SCML4: variants seen among roughly 807,000 people sequenced by gnomAD.
The protein encoded by SCML4 is Scm polycomb group protein like 4, also known as sex comb on midleg-like protein 4.
Under a neutral mutation model 41.1 loss-of-function variants are expected in SCML4, and 34 were observed. The ratio of observed to expected loss-of-function variants is 0.83; its 90% CI spans 0.63 to 1.10. The LOEUF (loss-of-function observed/expected upper bound fraction) is 1.10, where lower values mean the gene tolerates loss of function less well. SCML4 is among the 50% of genes least tolerant of loss of function. The pLI, the probability that SCML4 is intolerant of heterozygous loss-of-function variation, is 0.00. For missense variants in SCML4, 522 were observed against 534.1 expected, an observed-to-expected ratio of 0.98 and a Z score of 0.22; for synonymous variants, 214 against 220.9, an observed-to-expected ratio of 0.97 and a Z score of 0.28.
intron 5 of SCML4, among the ~76,000 whole-genome samples, chr6:107,734,861 TTTG>T (rs538676426): frequency 6.6e-6 from 1 of 152,074 alleles, no homozygotes; most frequent in Non-Finnish European, 1.5e-5. Flanking sequence ...TTAGTTTCTT[TTTG>T]TTGTTGTTGT....
At chr6:107,739,419 C>G (rs538201438) in intron 5 of SCML4, among the ~76,000 whole-genome samples, 1 of 152,202 alleles carries the variant, frequency 6.6e-6, no homozygotes, top group Non-Finnish European at 1.5e-5. Context: ...AGTTCCTTAG[C>G]TGTCATGGCT....
At chr6:107,791,067 C>G (rs1293074) in intron 1 of SCML4, among the ~76,000 whole-genome samples, 1 of 95,004 alleles carries the variant, frequency 1.1e-5, no homozygotes, top group Non-Finnish European at 2.3e-5. Context: ...AAGACTCCGT[C>G]TAAAAAAAAA....
chr6:107,844,106 A>G, the SCML4 span, among the ~76,000 whole-genome samples: 1 of 152,236 alleles, frequency 6.6e-6, no homozygotes, highest in African/African-American at 2.4e-5. Context: ...GAAAAGCTAG[A>G]TGCTAGACAG....
At chr6:107,805,253 A>G (rs1414291089) in intron 1 of SCML4, among the ~76,000 whole-genome samples, 1 of 152,146 alleles carries the variant, frequency 6.6e-6, no homozygotes, top group Non-Finnish European at 1.5e-5. Flanking sequence ...TTGGCCCTTT[A>G]TAGAAAATGT....
At chr6:107,785,347 T>G (rs1468793622) in intron 1 of SCML4, among the ~76,000 whole-genome samples, 1 of 152,170 alleles carries the variant, frequency 6.6e-6, no homozygotes, top group East Asian at 1.9e-4. Flanking sequence ...GCGATCCGAG[T>G]GCTGTTGCGC....
chr6:107,778,401 A>G (rs1781207412), intron 1 of SCML4, among the ~76,000 whole-genome samples: 1 of 151,402 alleles, frequency 6.6e-6, no homozygotes, highest in Admixed American at 6.6e-5. Flanking sequence ...ACAGTGCTTT[A>G]GTAGTCATTA....
chr6:107,764,164 C>T (rs1779849989), intron 2 of SCML4, among the ~76,000 whole-genome samples: 1 of 152,184 alleles, frequency 6.6e-6, no homozygotes, highest in African/African-American at 2.4e-5. Flanking sequence ...AAGCTTGTGG[C>T]CAGTGATCTA....
In SCML4 at chr6:107,774,895, C is replaced by T. The variant is rs530168338; in HGVS notation, c.-59-2509G>A. Among the ~76,000 whole-genome samples, 13 of 151,640 alleles carry T rather than the reference C, an allele frequency of 8.6e-5. No homozygotes were observed. In the South Asian group the frequency reaches 1.5e-3, roughly 17 times the overall value. ...AAAATTAGCTGGGCATGGTGGCAGGCGCCTATAATTCCAACTACTAGGGAG... is the reference window on the plus strand; with the variant it reads ...AAAATTAGCTGGGCATGGTGGCAGGTGCCTATAATTCCAACTACTAGGGAG... On this transcript the variant is annotated intron_variant, in intron 1 of 7. Coordinates refer to ENST00000369020, the MANE Select transcript of SCML4 (RefSeq NM_198081.5).
At position 107,745,011 on chromosome 6, in the gene SCML4, A is replaced by G; in HGVS notation, c.620T>C (p.Phe207Ser). ...LCDDLFSHQP[F>S]PRGCSASEKV... ...CTCAGAGGCACTGCAGCCCCTGGGGAAGGGCTGGTGGCTGAAGAGGTCATC... is the reference window on the plus strand; with the variant it reads ...CTCAGAGGCACTGCAGCCCCTGGGGGAGGGCTGGTGGCTGAAGAGGTCATC... Residue 207 changes from phenylalanine (F) to serine (S), a missense_variant, in exon 5 of 8, where the codon TTC becomes TCC. Phe to Ser is a radical substitution (Grantham distance 155). Coordinates refer to ENST00000369020, the MANE Select transcript of SCML4 (RefSeq NM_198081.5). 1 of 1,613,788 alleles carries G rather than the reference A, an allele frequency of 6.2e-7. No homozygotes were observed. Among genetic ancestry groups the G allele is most frequent in the Non-Finnish European group, 8.5e-7 (1 of 1,179,852 alleles).
At chr6:107,765,512 T>A (rs558300825) in intron 2 of SCML4, among the ~76,000 whole-genome samples, 27 of 152,200 alleles carry the variant, frequency 1.8e-4, no homozygotes, top group African/African-American at 6.0e-4. Context: ...GTCAAAAAAA[T>A]TTTAAAAATA....
chr6:107,711,814 C>T (rs546036861), intron 6 of SCML4, among the ~76,000 whole-genome samples: 2 of 152,298 alleles, frequency 1.3e-5, no homozygotes, highest in Admixed American at 6.5e-5. Flanking sequence ...TTCTTTAGAT[C>T]TCGGGGCACA....
chr6:107,776,918 A>T (rs1338143754), intron 1 of SCML4, among the ~76,000 whole-genome samples: 1 of 152,238 alleles, frequency 6.6e-6, no homozygotes, highest in East Asian at 1.9e-4. Flanking sequence ...GCATATGTGA[A>T]GATTGCAAAA....
intron 7 of SCML4, among the ~76,000 whole-genome samples, chr6:107,706,591 G>A (rs1401892044): frequency 1.3e-5 from 2 of 152,206 alleles, no homozygotes; most frequent in African/African-American, 4.8e-5. Context: ...ACCTGTGAAT[G>A]TCAAGTTACA....
intron 1 of SCML4, among the ~76,000 whole-genome samples, chr6:107,789,803 C>G (rs1782184947): frequency 6.6e-6 from 1 of 152,212 alleles, no homozygotes; most frequent in African/African-American, 2.4e-5. Flanking sequence ...GCTGTGGGCA[C>G]TGATCCTGAC....
At chr6:107,779,872 C>T (rs1008623371) in intron 1 of SCML4, among the ~76,000 whole-genome samples, 10 of 152,186 alleles carry the variant, frequency 6.6e-5, no homozygotes, top group South Asian at 2.1e-4. Flanking sequence ...GGCCTTTCCT[C>T]GTCCACACAC....
At chr6:107,787,843 A>T (rs1562259093) in intron 1 of SCML4, among the ~76,000 whole-genome samples, 2 of 152,252 alleles carry the variant, frequency 1.3e-5, no homozygotes, top group East Asian at 3.8e-4. Flanking sequence ...AGGCATATAG[A>T]TGCTCATCCT....
At chr6:107,743,684 TA>T (rs1360626622) in intron 5 of SCML4, among the ~76,000 whole-genome samples, 7 of 152,078 alleles carry the variant, frequency 4.6e-5, no homozygotes, top group Non-Finnish European at 1.0e-4. Context: ...AAGAAAAACA[TA>T]AAAGTAAATA....
At chr6:107,782,259 C>T (rs72933186) in intron 1 of SCML4, among the ~76,000 whole-genome samples, 1,702 of 152,264 alleles carry the variant, frequency 0.011, 41 homozygotes, top group East Asian at 0.11. Flanking sequence ...CCTAAATCTA[C>T]GTATTCTCTG....
chr6:107,807,173 A>C (rs1049368459), intron 1 of SCML4, among the ~76,000 whole-genome samples: 1 of 152,130 alleles, frequency 6.6e-6, no homozygotes, highest in Non-Finnish European at 1.5e-5. Flanking sequence ...CAGATGATGA[A>C]AAGGTAGCAA....
Sources: gnomAD v4.1 joint callset for allele counts (sites outside exome capture counted in the v4.1 genomes callset) on GRCh38, gnomAD v4.1.1 for gene constraint, MANE v1.5 for transcripts, NCBI Gene and HGNC (gene_info 2026-07-23, HGNC 2026-07-21) for gene names.